Variants in NEK7 observed in about 807,000 individuals in gnomAD.
NEK7 encodes serine/threonine-protein kinase Nek7.
In NEK7, 18 loss-of-function variants were observed where a neutral mutation model predicts 44.6. The ratio of observed to expected loss-of-function variants is 0.40; its 90% confidence interval spans 0.28 to 0.60. The LOEUF (loss-of-function observed/expected upper bound fraction) is 0.60. Among genes scored for constraint, NEK7 ranks in the 20% least tolerant of loss-of-function variants. The pLI, the probability that NEK7 is intolerant of heterozygous loss-of-function variation, is 0.38. For missense variants in NEK7, 256 were observed against 366.5 expected, an observed-to-expected ratio of 0.70 and a Z score of 2.46; for synonymous variants, 130 against 121.1, an observed-to-expected ratio of 1.07 and a Z score of -0.48.
Position 198,240,066 on chromosome 1 carries a change from G to A in NEK7, c.57+7429G>A, listed in dbSNP as rs1666640666. On this transcript the variant is annotated intron_variant, in intron 2 of 9. Transcript: ENST00000367385. Reference sequence around the variant, plus strand: ...GCCAGACATTCCTATACTGCCTGGTGTTGGCTGAAATGTCATTAGATGGCG... The same window carrying A: ...GCCAGACATTCCTATACTGCCTGGTATTGGCTGAAATGTCATTAGATGGCG... 1.3e-5 allele frequency among the ~76,000 whole-genome samples: 2 copies of A among 152,198 alleles called. 1 individual carries two copies. Among genetic ancestry groups the A allele is most frequent in the South Asian group, 4.1e-4 (2 of 4,834 alleles).
At chr1:198,307,473 A>G (rs1383144385) in intron 9 of NEK7, among the ~76,000 whole-genome samples, 1 of 152,160 alleles carries the variant, frequency 6.6e-6, no homozygotes, top group Non-Finnish European at 1.5e-5. Flanking sequence ...CCAAAGTTGT[A>G]AAGATAAATT....
At chr1:198,263,373 A>T (rs1219865824) in intron 4 of NEK7, among the ~76,000 whole-genome samples, 1 of 151,958 alleles carries the variant, frequency 6.6e-6, no homozygotes, top group Non-Finnish European at 1.5e-5. Context: ...GCTGGCTTAA[A>T]TATATGTAAA....
chr1:198,313,456 T>C (rs1440288827), intron 9 of NEK7, among the ~76,000 whole-genome samples: 2 of 141,552 alleles, frequency 1.4e-5, no homozygotes, highest in African/African-American at 5.6e-5. Flanking sequence ...GTTAATATTG[T>C]TATGTGTGAA....
intron 1 of NEK7, among the ~76,000 whole-genome samples, chr1:198,199,808 T>A (rs1022988189): frequency 6.6e-6 from 1 of 152,186 alleles, no homozygotes; most frequent in African/African-American, 2.4e-5. Flanking sequence ...AAAAAATGTT[T>A]TTATGTTCTG....
chr1:198,261,273 A>T (rs1020387916), intron 3 of NEK7, among the ~76,000 whole-genome samples: 1 of 152,016 alleles, frequency 6.6e-6, no homozygotes, highest in Non-Finnish European at 1.5e-5. Flanking sequence ...GCTCATTGAG[A>T]AAACACTGAC....
At chr1:198,319,352 C>G in intron 9 of NEK7, 60 bp from the exon 10 acceptor site, 1 of 1,157,670 alleles carries the variant, frequency 8.6e-7, no homozygotes, top group East Asian at 2.4e-5. Flanking sequence ...TTCTTCCTCT[C>G]AGTAAACTAA....
chr1:198,280,867 A>G (rs2102986026), intron 7 of NEK7, among the ~76,000 whole-genome samples: 1 of 151,202 alleles, frequency 6.6e-6, no homozygotes, highest in East Asian at 1.9e-4. Flanking sequence ...ACAGCAGTGA[A>G]AAAATAGAAA....
intron 4 of NEK7, among the ~76,000 whole-genome samples, chr1:198,262,906 A>T (rs1558084647): frequency 6.6e-6 from 1 of 151,338 alleles, no homozygotes; most frequent in African/African-American, 2.4e-5. Context: ...ACATTGAAGA[A>T]TTTTTTTTTC....
At chr1:198,200,734 A>G (rs1324063428) in intron 1 of NEK7, among the ~76,000 whole-genome samples, 1 of 151,964 alleles carries the variant, frequency 6.6e-6, no homozygotes, top group Non-Finnish European at 1.5e-5. Context: ...TATTTTTAGT[A>G]GAGATGGGGT....
chr1:198,319,455 A>G lies in NEK7; in HGVS notation c.842A>G (p.Lys281Arg), dbSNP rs765591026. The G allele has an allele frequency of 7.4e-6, 12 of 1,613,406 alleles. No individual in the cohort carries two copies. The highest frequency in any genetic ancestry group is 1.0e-5 in the Non-Finnish European group (12 of 1,179,542). ...VNMCINPDPEKRPDVTYVYDV... is the reference protein window; with the variant it reads ...VNMCINPDPERRPDVTYVYDV... ...ATGTGCATCAACCCAGATCCAGAGAAGCGACCAGACGTCACCTATGTTTAT... is the reference window on the plus strand; with the variant it reads ...ATGTGCATCAACCCAGATCCAGAGAGGCGACCAGACGTCACCTATGTTTAT... The change falls in exon 10 of 10, where the codon AAG becomes AGG. Residue 281 changes from lysine (K) to arginine (R), a missense_variant. Lys to Arg is a conservative substitution (Grantham distance 26). Coordinates refer to ENST00000367385, the MANE Select transcript of NEK7 (RefSeq NM_133494.3).
At chr1:198,285,558 A>G (rs574139467) in intron 7 of NEK7, among the ~76,000 whole-genome samples, 10 of 152,122 alleles carry the variant, frequency 6.6e-5, no homozygotes, top group African/African-American at 2.4e-4. Context: ...CGTTTTTGTG[A>G]TCCCATGAGG....
At chr1:198,269,335 A>C (rs991932809) in intron 5 of NEK7, among the ~76,000 whole-genome samples, 1 of 152,040 alleles carries the variant, frequency 6.6e-6, no homozygotes, top group Non-Finnish European at 1.5e-5. Context: ...TTTCATAGAG[A>C]GTTGCTGTGA....
intron 2 of NEK7, 57 bp from the exon 3 acceptor site, chr1:198,252,983 G>A (rs1653123941): frequency 7.1e-7 from 1 of 1,409,876 alleles, no homozygotes; most frequent in Middle Eastern, 1.8e-4. Context: ...ATCAGTGATT[G>A]TGTGTATTGC....
chr1:198,171,375 T>G (rs533377320), intron 1 of NEK7, among the ~76,000 whole-genome samples: 1 of 152,210 alleles, frequency 6.6e-6, no homozygotes, highest in African/African-American at 2.4e-5. Context: ...TTCTAACCAC[T>G]TAGTCTCTTA....
At chr1:198,269,766 A>T (rs919078748) in intron 5 of NEK7, among the ~76,000 whole-genome samples, 2 of 152,092 alleles carry the variant, frequency 1.3e-5, no homozygotes, top group African/African-American at 2.4e-5. Context: ...AATATAATTA[A>T]GCAATTTATA....
intron 7 of NEK7, among the ~76,000 whole-genome samples, chr1:198,282,532 T>C (rs1654237058): frequency 6.6e-6 from 1 of 152,154 alleles, no homozygotes; most frequent in Non-Finnish European, 1.5e-5. Flanking sequence ...TATTAACTTT[T>C]CTAAAACCCA....
intron 1 of NEK7, among the ~76,000 whole-genome samples, chr1:198,223,527 C>G (rs1054215654): frequency 3.9e-5 from 6 of 152,276 alleles, no homozygotes; most frequent in South Asian, 4.2e-4. Flanking sequence ...AAAGTTGTCT[C>G]AAGGAAAAGC....
intron 1 of NEK7, among the ~76,000 whole-genome samples, chr1:198,159,809 G>A (rs911963232): frequency 1.3e-5 from 2 of 152,116 alleles, no homozygotes; most frequent in Non-Finnish European, 2.9e-5. Flanking sequence ...TAGTAGAGGA[G>A]GGGAGATTTG....
intron 1 of NEK7, among the ~76,000 whole-genome samples, chr1:198,165,953 A>C (rs1248221887): frequency 1.3e-5 from 2 of 152,240 alleles, no homozygotes; most frequent in African/African-American, 4.8e-5. Flanking sequence ...TTCAACTTGC[A>C]TTTTTATATG....
Sources: allele counts gnomAD v4.1 joint callset (sites outside exome capture counted in the v4.1 genomes callset), GRCh38; gene constraint gnomAD v4.1.1; transcripts MANE v1.5; gene names NCBI Gene and HGNC (gene_info 2026-07-23, HGNC 2026-07-21).